The following ADAM19 variants were observed in gnomAD, a reference collection of about 807,000 sequenced individuals.
The protein encoded by ADAM19 is ADAM metallopeptidase domain 19.
In ADAM19, 65 loss-of-function variants were observed where a neutral mutation model predicts 114.7. That is an observed-to-expected ratio of 0.57 (90% CI 0.46 to 0.70). The LOEUF is 0.70. ADAM19 is among the 30% of genes least tolerant of loss of function. ADAM19 has a pLI of 0.00. For synonymous variants in ADAM19, 466 were observed against 460.5 expected (o/e 1.01, Z -0.15); for missense variants, 1,063 against 1,204.7 (o/e 0.88, Z 1.74).
intron 12 of ADAM19, among the ~76,000 whole-genome samples, chr5:157,501,836 G>A (rs1311425828): frequency 7.2e-5 from 11 of 152,006 alleles, no homozygotes; most frequent in Admixed American, 6.6e-4. Context: ...ATCATCTGAG[G>A]TCAGGAGTTT....
chr5:157,558,547 T>A (rs1265794683), intron 3 of ADAM19, among the ~76,000 whole-genome samples: 1 of 152,234 alleles, frequency 6.6e-6, no homozygotes, highest in East Asian at 1.9e-4. Context: ...TAAGCCTTTC[T>A]AAGCTGCTCT....
rs978408659 is a variant in ADAM19 at position 157,531,560 on chromosome 5, G to A, written c.331-677C>T. 2.6e-5 allele frequency among the ~76,000 whole-genome samples: 4 copies of A among 152,080 alleles called. No individual in the cohort carries two copies. In the East Asian group the frequency reaches 5.8e-4, roughly 22 times the overall value. ...TGCACACCTATAATCCCAGCTACTC[G>A]GGAGGCCGAGGCAGGAGAATTGCTT... On this transcript the variant is annotated intron_variant, in intron 4 of 22. Coordinates refer to ENST00000257527, the MANE Select transcript of ADAM19 (RefSeq NM_033274.5).
intron 14 of ADAM19, among the ~76,000 whole-genome samples, 183 bp from the exon 15 acceptor site, chr5:157,494,978 T>A (rs575150899): frequency 5.3e-4 from 80 of 152,226 alleles, no homozygotes; most frequent in African/African-American, 1.9e-3. Context: ...CAGAGAATAA[T>A]GTTTTATATA....
rs567155644 is a variant in ADAM19 at position 157,509,617 on chromosome 5, C to A, written c.739-150G>T. The A allele has an allele frequency of 6.1e-4, 406 of 670,266 alleles. 1 individual carries two copies. Among genetic ancestry groups the A allele is most frequent in the Non-Finnish European group, 8.0e-4 (367 of 457,002 alleles). 41.5% of individuals were successfully genotyped at this position (670,266 alleles called of 1,614,324 possible). A position where few individuals can be genotyped will look rare whatever the true frequency, so the allele number is the denominator to read the frequency against. The stretch of plus-strand genomic sequence containing the variant: ...ATTTAAAAAAAAAGCTCCTTCCTAG[C>A]CTAAGAACTCAGAGCACAGATACCA... On this transcript the variant is annotated intron_variant, in intron 8 of 22. Transcript: ENST00000257527.
intron 7 of ADAM19, 102 bp downstream of exon 7, chr5:157,518,721 G>T: frequency 6.1e-6 from 6 of 989,262 alleles, no homozygotes. Context: ...AGATGAACTG[G>T]AGAAAGATGA....
chr5:157,493,252 G>A, intron 15 of ADAM19, 75 bp from the exon 16 acceptor site: 1 of 1,526,554 alleles, frequency 6.6e-7, no homozygotes, highest in Non-Finnish European at 9.0e-7. Context: ...GAGAGCTTCA[G>A]TCTTTCTTGA....
chr5:157,496,096 T>A (rs189246535), intron 14 of ADAM19, among the ~76,000 whole-genome samples: 115 of 151,852 alleles, frequency 7.6e-4, no homozygotes, highest in African/African-American at 2.4e-3. Context: ...CAAGCCACCA[T>A]ATCAGCCACC....
At chr5:157,531,733 T>C (rs1182069764) in intron 4 of ADAM19, among the ~76,000 whole-genome samples, 1 of 150,320 alleles carries the variant, frequency 6.7e-6, no homozygotes, top group African/African-American at 2.4e-5. Flanking sequence ...AATCCAATGA[T>C]TTGTGTCCTT....
At chr5:157,551,870 C>T (rs7732564) in intron 3 of ADAM19, among the ~76,000 whole-genome samples, 24,297 of 152,076 alleles carry the variant, frequency 0.16, 2,294 homozygotes, top group African/African-American at 0.25. Context: ...AATACCACAA[C>T]AAGCTGGGTG....
chr5:157,526,625 T>C (rs551317352), intron 5 of ADAM19, among the ~76,000 whole-genome samples: 1 of 56,612 alleles, frequency 1.8e-5, no homozygotes, highest in South Asian at 5.5e-4. Context: ...ATTGGTGTCA[T>C]TTTTTTTTTT....
rs1407578349 is a variant in ADAM19 at position 157,575,612 on chromosome 5, C to A, written c.85G>T (p.Gly29Ter). Residue 29 changes from glycine to a stop codon, truncating the protein, a stop_gained, in exon 1 of 23, where the codon GGA (glycine) becomes TGA (stop). Transcript: ENST00000257527. LOFTEE classifies it high-confidence loss of function. ...PLRPRAAREPGWTRGSEEGSP... is the reference protein window; with the variant it reads ...PLRPRAAREP ...GCGCCTGGCCACTTACTTGTCCATC[C>A]AGGCTCCCGCGCCGCCCGCGGCCGG... 1 of 1,457,308 alleles carries A rather than the reference C, an allele frequency of 6.9e-7. No homozygotes were observed. Among genetic ancestry groups the A allele is most frequent in the South Asian group, 1.3e-5 (1 of 75,614 alleles). The allele number at this position is 1,457,308 out of a possible 1,614,324, so 90.3% of individuals were successfully genotyped here.
intron 14 of ADAM19, 31 bp from the exon 15 acceptor site, chr5:157,494,826 C>T (rs1581297368): frequency 1.3e-6 from 2 of 1,584,706 alleles, no homozygotes; most frequent in Non-Finnish European, 8.7e-7. Context: ...TATCAGTATA[C>T]TCATCTGTCA....
intron 3 of ADAM19, among the ~76,000 whole-genome samples, chr5:157,559,554 C>T (rs906697154): frequency 3.9e-5 from 6 of 152,268 alleles, no homozygotes; most frequent in East Asian, 3.9e-4. Flanking sequence ...CAGGATATGG[C>T]GCTGGGGCTC....
chr5:157,477,790 T>C lies in ADAM19; in HGVS notation c.*3159A>G, dbSNP rs960465949. ...GCAGGGAGAGACTTCCAATAAAGATTGGAAAGGCGTATTGCAGGAGGTGGG... is the reference window on the plus strand; with the variant it reads ...GCAGGGAGAGACTTCCAATAAAGATCGGAAAGGCGTATTGCAGGAGGTGGG... On this transcript the variant is annotated 3_prime_UTR_variant, in exon 23 of 23. Coordinates refer to ENST00000257527, the MANE Select transcript of ADAM19 (RefSeq NM_033274.5). 3 of 1,223,264 alleles carry C rather than the reference T, an allele frequency of 2.5e-6. No individual in the cohort carries two copies. In the African/African-American group the frequency reaches 4.7e-5, roughly 19 times the overall value. 75.8% of individuals were successfully genotyped at this position (1,223,264 alleles called of 1,614,324 possible).
chr5:157,481,826 G>A lies in ADAM19; in HGVS notation c.2668C>T (p.Gln890Ter). ...AGTGCTGCCAGAGGCCGGGACTGCT[G>A]AGGGCCAGCACCAGGGGGCCGCAGT... ...SPLRPPGAGP[Q>*]QSRPLAALAP... The change falls in exon 22 of 23, where the codon CAG becomes TAG. Residue 890 changes from glutamine to a stop codon, truncating the protein, a stop_gained. Coordinates refer to ENST00000257527, the MANE Select transcript of ADAM19 (RefSeq NM_033274.5). LOFTEE classifies it high-confidence loss of function. 6.3e-7 allele frequency: 1 copy of A among 1,580,700 alleles called. No homozygotes were observed. Among genetic ancestry groups the A allele is most frequent in the Non-Finnish European group, 8.6e-7 (1 of 1,162,442 alleles).
At chr5:157,493,198 G>A (rs773353430) in intron 15 of ADAM19, 21 bp from the exon 16 acceptor site, 54 of 1,608,616 alleles carry the variant, frequency 3.4e-5, no homozygotes, top group East Asian at 2.5e-4. Context: ...GAGACAGAGA[G>A]GGAAGGAAGC....
chr5:157,526,270 G>A (rs2113749983), intron 5 of ADAM19, among the ~76,000 whole-genome samples: 1 of 152,130 alleles, frequency 6.6e-6, no homozygotes, highest in South Asian at 2.1e-4. Context: ...ATAACAGATG[G>A]AGAATGGGAT....
At chr5:157,553,125 C>T (rs1757251197) in intron 3 of ADAM19, among the ~76,000 whole-genome samples, 1 of 152,094 alleles carries the variant, frequency 6.6e-6, no homozygotes, top group South Asian at 2.1e-4. Context: ...TTTGATAGCA[C>T]AACAAGGTGA....
intron 22 of ADAM19, chr5:157,481,474 A>T: frequency 1.2e-6 from 1 of 856,066 alleles, no homozygotes; most frequent in Non-Finnish European, 1.8e-6. Context: ...GGCTGGTACT[A>T]CTGCTCATCA....
Sources: allele counts gnomAD v4.1 joint callset (sites outside exome capture counted in the v4.1 genomes callset), GRCh38; gene constraint gnomAD v4.1.1; transcripts MANE v1.5; gene names NCBI Gene and HGNC (gene_info 2026-07-23, HGNC 2026-07-21).